Variants in SCRN1 observed in about 807,000 individuals in gnomAD.
SCRN1 encodes the protein secernin-1.
Under a neutral mutation model 43.3 loss-of-function variants are expected in SCRN1, and 19 were observed. That is an observed-to-expected ratio of 0.44 (90% CI 0.31 to 0.64). The LOEUF (loss-of-function observed/expected upper bound fraction) is 0.64, where lower values mean the gene tolerates loss of function less well. SCRN1 is among the 30% of genes least tolerant of loss of function. The pLI is 0.09. For synonymous variants in SCRN1, 183 were observed against 188.9 expected (o/e 0.97, Z 0.26); for missense variants, 447 against 524.1 (o/e 0.85, Z 1.44).
chr7:29,949,395 T>C (rs1349403320), intron 3 of SCRN1, among the ~76,000 whole-genome samples: 2 of 150,138 alleles, frequency 1.3e-5, no homozygotes, highest in Admixed American at 1.3e-4. Flanking sequence ...TTTTTTTTTT[T>C]TGAGACAGGA....
chr7:29,983,363 T>G, intron 1 of SCRN1, among the ~76,000 whole-genome samples: 2 of 147,238 alleles, frequency 1.4e-5, no homozygotes, highest in South Asian at 2.3e-4. Flanking sequence ...GATGACGAGT[T>G]GGTGGGTGCA....
chr7:29,968,721 G>A (rs1788573951), intron 2 of SCRN1, among the ~76,000 whole-genome samples, 188 bp downstream of exon 2: 1 of 152,154 alleles, frequency 6.6e-6, no homozygotes, highest in South Asian at 2.1e-4. Context: ...CCATAGCAGT[G>A]AGCATAGAGC....
intron 3 of SCRN1, among the ~76,000 whole-genome samples, chr7:29,949,471 G>T (rs574920781): frequency 8.3e-5 from 12 of 145,182 alleles, no homozygotes; most frequent in African/African-American, 3.1e-4. Flanking sequence ...CTCCCCACCT[G>T]GGTTCAAGCA....
chr7:29,960,216 T>C (rs890637432), intron 2 of SCRN1, among the ~76,000 whole-genome samples: 2 of 152,186 alleles, frequency 1.3e-5, no homozygotes, highest in Non-Finnish European at 2.9e-5. Context: ...TTACTAACAA[T>C]GCTACCAGCC....
In SCRN1 at chr7:29,920,329, A is replaced by G. The variant is rs991710461; in HGVS notation, c.*3628T>C. The G allele has an allele frequency of 2.6e-5, 4 of 152,246 alleles. No homozygotes were observed. The highest frequency in any genetic ancestry group is 1.3e-4 in the Admixed American group (2 of 15,278). The allele number at this position is 152,246 out of a possible 1,614,324, so 9.4% of individuals were successfully genotyped here. On this transcript the variant is annotated 3_prime_UTR_variant, in exon 8 of 8. Transcript: ENST00000242059. ...TCTAACACATTTAAATTCTCACAGC[A>G]TAATTGCAAACATGTACATATTGGT...
At position 29,940,721 on chromosome 7, in the gene SCRN1, C is replaced by A. The variant is rs1787511281; in HGVS notation, c.700G>T (p.Asp234Tyr). ...EVFSPVEDHLDCGAGKDSLEK... is the reference protein window; with the variant it reads ...EVFSPVEDHLYCGAGKDSLEK... ...AAGCTGTCTTTGCCAGCACCGCAGT[C>A]TAGATGATCCTCAACTGGAGAAAAG... Residue 234 changes from aspartate to tyrosine, a missense_variant, in exon 5 of 8, where the codon GAC becomes TAC. Transcript: ENST00000242059. 1 of 1,606,104 alleles carries A rather than the reference C, an allele frequency of 6.2e-7. No individual in the cohort carries two copies. The highest frequency in any genetic ancestry group is 1.7e-5 in the Admixed American group (1 of 57,560).
chr7:29,944,670 AAAAAAAAAAAG>A (rs1430200472), intron 3 of SCRN1, among the ~76,000 whole-genome samples: 1 of 151,372 alleles, frequency 6.6e-6, no homozygotes, highest in Non-Finnish European at 1.5e-5. Context: ...CTCAAAAAAA[AAAAAAAAAAAG>A]AAAGAAAGAA....
chr7:29,981,369 C>G (rs1054077946), intron 1 of SCRN1, among the ~76,000 whole-genome samples: 1 of 152,190 alleles, frequency 6.6e-6, no homozygotes, highest in Non-Finnish European at 1.5e-5. Context: ...GCTAAGATGT[C>G]TCAAGGTTTT....
At chr7:29,932,811 C>A (rs576211461) in intron 6 of SCRN1, among the ~76,000 whole-genome samples, 4 of 152,110 alleles carry the variant, frequency 2.6e-5, no homozygotes, top group South Asian at 4.2e-4. Context: ...CTCAGACACC[C>A]TATTTTCCTA....
chr7:29,987,616 G>C (rs141361488), intron 1 of SCRN1, among the ~76,000 whole-genome samples: 525 of 152,318 alleles, frequency 3.4e-3, no homozygotes, highest in African/African-American at 0.011. Context: ...TAAAAGTCTT[G>C]AATTAGGAAA....
intron 1 of SCRN1, among the ~76,000 whole-genome samples, chr7:29,980,082 C>A (rs1788952033): frequency 6.6e-6 from 1 of 152,110 alleles, no homozygotes; most frequent in African/African-American, 2.4e-5. Context: ...TTACTAAGCT[C>A]CTTATCTGTA....
chr7:29,982,235 T>C (rs528339200), intron 1 of SCRN1, among the ~76,000 whole-genome samples: 2 of 152,340 alleles, frequency 1.3e-5, no homozygotes, highest in African/African-American at 4.8e-5. Context: ...ACATCTAAAA[T>C]TGTATGTTAG....
chr7:29,923,832 TG>T lies in SCRN1; in HGVS notation c.*124del. The T allele has an allele frequency of 9.7e-7, 1 of 1,036,076 alleles. No homozygotes were observed. The highest frequency in any genetic ancestry group is 1.4e-6 in the Non-Finnish European group (1 of 702,602). The allele number at this position is 1,036,076 out of a possible 1,614,324, so 64.2% of individuals were successfully genotyped here. A position where few individuals can be genotyped will look rare whatever the true frequency, so the allele number is the denominator to read the frequency against. On this transcript the variant is annotated 3_prime_UTR_variant, in exon 8 of 8. Transcript: ENST00000242059. ...TGGAACACAAGGTAACAGTTTGATC[TG>T]GCTTCAGAAAAGGAGGCCACATATT...
At chr7:29,947,320 C>T (rs1449349430) in intron 3 of SCRN1, 2 of 1,550,744 alleles carry the variant, frequency 1.3e-6, no homozygotes, top group Middle Eastern at 3.3e-4. Context: ...GTTAACACAT[C>T]TCACTGAGAA....
Position 29,924,189 on chromosome 7 carries a change from AG to A in SCRN1, c.1087-75del, listed in dbSNP as rs1027058084. On this transcript the variant is annotated intron_variant, in intron 7 of 7. Coordinates refer to ENST00000242059, the MANE Select transcript of SCRN1 (RefSeq NM_014766.5). ...ATTGCAGCGGACACTGAAACCCTCT[AG>A]GGGGCCAGCTGGCTTCCTGCTCAAG... 10 of 1,482,842 alleles carry A rather than the reference AG, an allele frequency of 6.7e-6. No homozygotes were observed. The African/African-American group carries it at 1.3e-4, about 19-fold the overall frequency. 91.9% of individuals were successfully genotyped at this position (1,482,842 alleles called of 1,614,324 possible).
intron 4 of SCRN1, 100 bp downstream of exon 4, chr7:29,943,877 C>A (rs747412278): frequency 1.8e-6 from 2 of 1,102,910 alleles, no homozygotes; most frequent in South Asian, 1.3e-5. Flanking sequence ...GGACCTGCAA[C>A]GGCACGTCTT....
intron 2 of SCRN1, among the ~76,000 whole-genome samples, chr7:29,955,945 C>T (rs1788122583): frequency 6.6e-6 from 1 of 152,164 alleles, no homozygotes; most frequent in African/African-American, 2.4e-5. Flanking sequence ...CCATTTGATC[C>T]TCACACTAAG....
intron 1 of SCRN1, among the ~76,000 whole-genome samples, chr7:29,970,491 T>G (rs1788634314): frequency 6.6e-6 from 1 of 152,234 alleles, no homozygotes; most frequent in East Asian, 1.9e-4. Flanking sequence ...AATCCTGTCC[T>G]TTTCCTTCAA....
At chr7:29,977,774 C>T (rs1417357190) in intron 1 of SCRN1, among the ~76,000 whole-genome samples, 6 of 152,190 alleles carry the variant, frequency 3.9e-5, no homozygotes, top group Non-Finnish European at 2.9e-5. Flanking sequence ...TGTCACTTCT[C>T]CAAGCTTTTA....
Sources: gnomAD v4.1 joint callset for allele counts (sites outside exome capture counted in the v4.1 genomes callset) on GRCh38, gnomAD v4.1.1 for gene constraint, MANE v1.5 for transcripts, NCBI Gene and HGNC (gene_info 2026-07-23, HGNC 2026-07-21) for gene names.